Variants in LINS1 observed in about 807,000 individuals in gnomAD.
The protein encoded by LINS1 is lines homolog 1, also known as protein Lines homolog 1.
LINS1 carries 27 observed loss-of-function variants against 41.6 expected under a neutral mutation model. That is an observed-to-expected ratio of 0.65 (90% CI 0.48 to 0.89). The LOEUF (loss-of-function observed/expected upper bound fraction) is 0.89. Ranked by LOEUF, LINS1 falls within the 40% of genes least tolerant of loss-of-function variation. LINS1 has a pLI of 0.00. For synonymous variants in LINS1, 336 were observed against 312.9 expected, an observed-to-expected ratio of 1.07 and a Z score of -0.78; for missense variants, 955 against 884.1, an observed-to-expected ratio of 1.08 and a Z score of -1.02.
intron 1 of LINS1, 43 bp from the exon 2 acceptor site, chr15:100,580,988 C>T: frequency 1.4e-6 from 1 of 695,626 alleles, no homozygotes; most frequent in East Asian, 2.7e-5. Flanking sequence ...CTGCTATATG[C>T]TTATTACAAG....
At position 100,573,822 on chromosome 15, in the gene LINS1, T is replaced by G. The variant is rs2037989390; in HGVS notation, c.1051A>C (p.Lys351Gln). 6.2e-7 allele frequency: 1 copy of G among 1,614,096 alleles called. No individual in the cohort carries two copies. The highest frequency in any genetic ancestry group is 1.3e-5 in the African/African-American group (1 of 74,926). Residue 351 changes from lysine to glutamine, a missense_variant, in exon 5 of 7, where the codon AAG becomes CAG. Transcript: ENST00000314742. ...VLQAVNSGLL[K>Q]TLSVYEKHSF... ...TGTTTTTCATAAACAGACAGTGTCT[T>G]CAACAACCCCGAATTCACAGCTTGC... is the stretch of plus-strand genomic sequence containing the variant.
In LINS1 at chr15:100,573,820, C is replaced by A; in HGVS notation, c.1053G>T (p.Lys351Asn). The A allele has an allele frequency of 6.2e-7, 1 of 1,614,246 alleles. No homozygotes were observed. The highest frequency in any genetic ancestry group is 1.1e-5 in the South Asian group (1 of 91,080). Reference protein sequence around the residue: ...VLQAVNSGLLKTLSVYEKHSF... With the variant: ...VLQAVNSGLLNTLSVYEKHSF... ...AATGTTTTTCATAAACAGACAGTGT[C>A]TTCAACAACCCCGAATTCACAGCTT... The change falls in exon 5 of 7, where the codon AAG (lysine) becomes AAT (asparagine). Residue 351 changes from lysine (K) to asparagine (N), a missense_variant. Physicochemically the swap from Lys to Asn is moderately conservative, Grantham distance 94 (BLOSUM62 0). Coordinates refer to ENST00000314742, the MANE Select transcript of LINS1 (RefSeq NM_001040616.3).
chr15:100,571,974 C>A lies in LINS1; in HGVS notation c.1314G>T (p.Leu438=), dbSNP rs752833807. Residue 438 remains leucine, a synonymous_variant, in exon 6 of 7, where the codon CTG becomes CTT. Transcript: ENST00000314742. ...CGTCTTGTTCTATGAAAACCCGAGA[C>A]AGCCATTTGCACGGATTGTGTAATT... ...SLQLHNPCKW[L]SRVFIEQDDD... is the part of the protein sequence containing the mutation. 1 of 1,614,100 alleles carries A rather than the reference C, an allele frequency of 6.2e-7. No individual in the cohort carries two copies. The highest frequency in any genetic ancestry group is 8.5e-7 in the Non-Finnish European group (1 of 1,180,040).
chr15:100,576,837 G>C (rs899905336), intron 3 of LINS1: 1 of 152,150 alleles, frequency 6.6e-6, no homozygotes, highest in Admixed American at 6.5e-5. Flanking sequence ...ATGATCAAGT[G>C]GGCTTCATCC....
At chr15:100,585,982 CT>C (rs2038785640) in intron 1 of LINS1, among the ~76,000 whole-genome samples, 1 of 152,182 alleles carries the variant, frequency 6.6e-6, no homozygotes, top group Non-Finnish European at 1.5e-5. Context: ...ACAAAATGAT[CT>C]TGGTTTGCAT....
intron 3 of LINS1, among the ~76,000 whole-genome samples, chr15:100,575,721 A>C (rs2038131278): frequency 6.6e-6 from 1 of 152,224 alleles, no homozygotes; most frequent in African/African-American, 2.4e-5. Flanking sequence ...CAGAATATAC[A>C]TTCTTCTCAG....
At chr15:100,579,400 TA>T in intron 3 of LINS1, among the ~76,000 whole-genome samples, 1 of 20,318 alleles carries the variant, frequency 4.9e-5, no homozygotes, top group Non-Finnish European at 7.9e-4. Flanking sequence ...ACCTTTAACT[TA>T]TTTTTTTTTT....
rs1207194965 is a variant in LINS1, at chr15:100,569,442, G to A, written c.2070C>T (p.Ala690=). 4 of 1,614,020 alleles carry A rather than the reference G, an allele frequency of 2.5e-6. No individual in the cohort carries two copies. The highest frequency in any genetic ancestry group is 3.3e-5 in the Admixed American group (2 of 60,000). ...RPLVLKEFDT[A]FSFDCEVAPN... is the part of the protein sequence containing the mutation. ...GGGCTACTTCACAATCAAAGGAGAA[G>A]GCAGTATCAAATTCTTTCAGAACCA... is the stretch of plus-strand genomic sequence containing the variant. The change falls in exon 7 of 7, where the codon GCC becomes GCT. Residue 690 remains alanine, a synonymous_variant. Transcript: ENST00000314742.
At chr15:100,600,389 T>C (rs749923781) in intron 1 of LINS1, among the ~76,000 whole-genome samples, 1 of 152,102 alleles carries the variant, frequency 6.6e-6, no homozygotes, top group African/African-American at 2.4e-5. Context: ...TGTTTGATTA[T>C]GTGACACCTA....
chr15:100,579,832 A>C (rs1249928588), intron 3 of LINS1, among the ~76,000 whole-genome samples: 1 of 152,174 alleles, frequency 6.6e-6, no homozygotes, highest in African/African-American at 2.4e-5. Context: ...GGGTCCACCT[A>C]CTAGTTCGAG....
intron 1 of LINS1, among the ~76,000 whole-genome samples, chr15:100,589,642 A>G (rs563304041): frequency 6.6e-6 from 1 of 152,314 alleles, no homozygotes; most frequent in East Asian, 1.9e-4. Flanking sequence ...TCCAAATTGA[A>G]TATATTGGTG....
chr15:100,599,374 A>C (rs1216212080), intron 1 of LINS1, among the ~76,000 whole-genome samples: 4 of 152,264 alleles, frequency 2.6e-5, no homozygotes, highest in Non-Finnish European at 5.9e-5. Flanking sequence ...ACATTCTGTG[A>C]AACTTTGACA....
At chr15:100,590,187 TGA>T (rs1477864216) in intron 1 of LINS1, among the ~76,000 whole-genome samples, 1 of 152,236 alleles carries the variant, frequency 6.6e-6, no homozygotes, top group Non-Finnish European at 1.5e-5. Flanking sequence ...TCTACTATTA[TGA>T]GAGTCTTATC....
chr15:100,591,336 C>T (rs11247227), intron 1 of LINS1, among the ~76,000 whole-genome samples: 68,239 of 152,114 alleles, frequency 0.45, 16,003 homozygotes, highest in Non-Finnish European at 0.53. Flanking sequence ...CATGAGGACA[C>T]CATAACCTAT....
rs2039271541 is a variant in LINS1 at position 100,596,902 on chromosome 15, C to A, written c.-104+5219G>T. 3 of 152,248 alleles carry A rather than the reference C, an allele frequency of 2.0e-5. No individual in the cohort carries two copies. In the South Asian group the frequency reaches 6.2e-4, roughly 32 times the overall value. The allele number at this position is 152,248 out of a possible 1,614,324, so 9.4% of individuals were successfully genotyped here. A position where few individuals can be genotyped will look rare whatever the true frequency, so the allele number is the denominator to read the frequency against. ...CCCTGGGGAAACCGCCCACTCCCTG[C>A]CACGTACCTGAAGCTATGGCAGTTC... On this transcript the variant is annotated intron_variant, in intron 1 of 6. Coordinates refer to ENST00000314742, the MANE Select transcript of LINS1 (RefSeq NM_001040616.3).
At position 100,570,021 on chromosome 15, in the gene LINS1, G is replaced by A; in HGVS notation, c.1491C>T (p.Phe497=). The A allele has an allele frequency of 6.4e-7, 1 of 1,552,428 alleles. No individual in the cohort carries two copies. Among genetic ancestry groups the A allele is most frequent in the Non-Finnish European group, 8.7e-7 (1 of 1,155,108 alleles). ...NGYNPHCIFL[F]FLKNIGFDST... ...AATCAAATCCTATATTTTTCAAGAA[G>A]AACAAGAAAATACAGTGAGGATTAT... Residue 497 remains phenylalanine (F), a synonymous_variant, in exon 7 of 7, where the codon TTC becomes TTT. Coordinates refer to ENST00000314742, the MANE Select transcript of LINS1 (RefSeq NM_001040616.3).
At chr15:100,602,094 G>A (rs1386174578) in intron 1 of LINS1, 27 bp downstream of exon 1, 1 of 152,468 alleles carries the variant, frequency 6.6e-6, no homozygotes, top group Non-Finnish European at 1.5e-5. Flanking sequence ...CCTGCTGCCA[G>A]CACGGCGGCC....
intron 1 of LINS1, among the ~76,000 whole-genome samples, chr15:100,585,880 A>AT (rs1222321691): frequency 6.6e-6 from 1 of 152,202 alleles, no homozygotes; most frequent in Non-Finnish European, 1.5e-5. Flanking sequence ...GTCAGCATAC[A>AT]TTTTTTGTCT....
At chr15:100,579,863 G>A (rs2038427688) in intron 3 of LINS1, among the ~76,000 whole-genome samples, 1 of 152,174 alleles carries the variant, frequency 6.6e-6, no homozygotes, top group Admixed American at 6.5e-5. Flanking sequence ...AAGTTATGGA[G>A]TCTGATGTGA....
Sources: allele counts gnomAD v4.1 joint callset (sites outside exome capture counted in the v4.1 genomes callset), GRCh38; gene constraint gnomAD v4.1.1; transcripts MANE v1.5; gene names NCBI Gene and HGNC (gene_info 2026-07-23, HGNC 2026-07-21).